Variants in GRK5 observed in about 807,000 individuals in gnomAD.
The protein encoded by GRK5 is g protein-coupled receptor kinase GRK5.
In GRK5, 40 loss-of-function variants were observed where a neutral mutation model predicts 78.4. The observed-to-expected ratio is 0.51, with a 90% CI of 0.40 to 0.66. GRK5 has a LOEUF of 0.66. GRK5 is among the 30% of genes least tolerant of loss of function. GRK5 has a pLI of 0.00. For missense variants in GRK5, 598 were observed against 759.9 expected (o/e 0.79, Z 2.50); for synonymous variants, 289 against 296.8 (o/e 0.97, Z 0.27).
chr10:119,220,824 C>CA (rs546082321), intron 1 of GRK5, among the ~76,000 whole-genome samples: 65,819 of 126,994 alleles, frequency 0.52, 15,835 homozygotes, highest in East Asian at 0.67. Context: ...GACAGAGGCT[C>CA]AAAAAAAAAA....
At chr10:119,294,442 C>T (rs1009375870) in intron 1 of GRK5, among the ~76,000 whole-genome samples, 10 of 152,266 alleles carry the variant, frequency 6.6e-5, no homozygotes, top group African/African-American at 2.4e-4. Flanking sequence ...CCCAGGCAGG[C>T]ACTGTCCTGA....
intron 1 of GRK5, among the ~76,000 whole-genome samples, chr10:119,312,168 G>A (rs368351896): frequency 5.3e-5 from 8 of 152,142 alleles, no homozygotes; most frequent in African/African-American, 1.9e-4. Context: ...CGCCCGCCTC[G>A]GCCTCCCAAA....
chr10:119,284,128 G>A (rs74157646), intron 1 of GRK5, among the ~76,000 whole-genome samples: 3,062 of 152,252 alleles, frequency 0.02, 107 homozygotes, highest in African/African-American at 0.069. Context: ...CCCAGATGGT[G>A]TATGTCAGAG....
rs889118995 is a variant in GRK5 at position 119,378,647 on chromosome 10, G to A, written c.149-2168G>A. Among the ~76,000 whole-genome samples the A allele has an allele frequency of 6.8e-6, 1 of 146,594 alleles. No individual in the cohort carries two copies. Among genetic ancestry groups the A allele is most frequent in the Non-Finnish European group, 1.5e-5 (1 of 66,770 alleles). ...GGCTGCCTTCAGGGCTCCTCTCTCC[G>A]CTCATCTCCGCTTGTGTGCGGGCTG... On this transcript the variant is annotated intron_variant, in intron 2 of 15. Transcript: ENST00000392870. The surrounding 1 kb of genome is among the most constrained non-coding windows in gnomAD (Gnocchi z 4.5).
chr10:119,326,645 T>C (rs1464664180), intron 2 of GRK5, 34 bp downstream of exon 2: 2 of 1,516,088 alleles, frequency 1.3e-6, no homozygotes, highest in Admixed American at 3.4e-5. Flanking sequence ...GTGCGGGGAG[T>C]GAGTAGCAGG....
chr10:119,233,611 G>A (rs1848867632), intron 1 of GRK5, among the ~76,000 whole-genome samples: 1 of 152,164 alleles, frequency 6.6e-6, no homozygotes, highest in Admixed American at 6.5e-5. Flanking sequence ...CTGTTTGGGT[G>A]AACGTGTGAC....
At chr10:119,290,055 A>ATC (rs1849922433) in intron 1 of GRK5, among the ~76,000 whole-genome samples, 1 of 152,120 alleles carries the variant, frequency 6.6e-6, no homozygotes, top group African/African-American at 2.4e-5. Flanking sequence ...CTGGAAGACT[A>ATC]TCTGTTCCCG....
At position 119,448,193 on chromosome 10, in the gene GRK5, C is replaced by G; in HGVS notation, c.1337C>G (p.Pro446Arg). 5.0e-6 allele frequency: 8 copies of G among 1,591,600 alleles called. No individual in the cohort carries two copies. Among genetic ancestry groups the G allele is most frequent in the Non-Finnish European group, 6.8e-6 (8 of 1,170,678 alleles). Reference sequence around the variant, plus strand: ...GGGGCTGCAGAGGTCAAGAGACACCCCTTCTTCAGGAACATGAACTTCAAG... The same window carrying G: ...GGGGCTGCAGAGGTCAAGAGACACCGCTTCTTCAGGAACATGAACTTCAAG... ...EEGAAEVKRH[P>R]FFRNMNFKRL... The change falls in exon 13 of 16, where the codon CCC becomes CGC. Residue 446 changes from proline (P) to arginine (R), a missense_variant. Transcript: ENST00000392870.
chr10:119,353,920 C>A (rs1851221712), intron 2 of GRK5, among the ~76,000 whole-genome samples: 1 of 139,612 alleles, frequency 7.2e-6, no homozygotes. Flanking sequence ...AAGGGCAATC[C>A]ATTTTTTCTT....
At chr10:119,388,018 A>G (rs145079046) in intron 3 of GRK5, among the ~76,000 whole-genome samples, 1 of 151,094 alleles carries the variant, frequency 6.6e-6, no homozygotes, top group African/African-American at 2.4e-5. Flanking sequence ...TGGTATGATT[A>G]TAGCTTACCG....
At chr10:119,305,972 T>C (rs1233352844) in intron 1 of GRK5, among the ~76,000 whole-genome samples, 1 of 152,142 alleles carries the variant, frequency 6.6e-6, no homozygotes, top group African/African-American at 2.4e-5. Flanking sequence ...GTACTTCCGG[T>C]ATCTCTGCTC....
intron 4 of GRK5, among the ~76,000 whole-genome samples, chr10:119,411,842 C>CTTTTTTTTTT (rs10578557): frequency 0.012 from 1,158 of 95,836 alleles, 189 homozygotes; most frequent in South Asian, 0.025. Context: ...AGATCTGCTT[C>CTTTTTTTTTT]TTTTTTTTTT....
chr10:119,355,381 G>A (rs1472587693), intron 2 of GRK5, among the ~76,000 whole-genome samples: 2 of 152,164 alleles, frequency 1.3e-5, no homozygotes, highest in African/African-American at 4.8e-5. Flanking sequence ...TCTCTACGAG[G>A]TGCTTATTTT....
At chr10:119,306,359 A>C (rs1394136399) in intron 1 of GRK5, among the ~76,000 whole-genome samples, 1 of 152,164 alleles carries the variant, frequency 6.6e-6, no homozygotes, top group Non-Finnish European at 1.5e-5. Flanking sequence ...CAGTGCCTGG[A>C]TGAGCAAGCT....
intron 2 of GRK5, among the ~76,000 whole-genome samples, chr10:119,358,160 G>A (rs560391790): frequency 6.6e-6 from 1 of 152,288 alleles, no homozygotes; most frequent in East Asian, 1.9e-4. Context: ...CCTGGAGCAC[G>A]AGTGAGAGTC....
intron 2 of GRK5, among the ~76,000 whole-genome samples, chr10:119,348,505 T>C (rs1851137940): frequency 6.6e-6 from 1 of 152,190 alleles, no homozygotes; most frequent in Non-Finnish European, 1.5e-5. Flanking sequence ...AATGGACATA[T>C]GGGCACCTGC....
chr10:119,328,686 G>A (rs1850719192), intron 2 of GRK5, among the ~76,000 whole-genome samples: 1 of 152,232 alleles, frequency 6.6e-6, no homozygotes, highest in Non-Finnish European at 1.5e-5. Context: ...ACCTTTCTGG[G>A]GTGTTGAGTT....
chr10:119,292,149 T>TTCCTCCTCCTCTTCC (rs1217774401), intron 1 of GRK5, among the ~76,000 whole-genome samples: 5 of 64,068 alleles, frequency 7.8e-5, no homozygotes, highest in Admixed American at 1.7e-4. Context: ...TCTCCTCCTC[T>TTCCTCCTCCTCTTCC]TCCTCCTCCT....
chr10:119,428,999 G>T (rs1322341075), intron 6 of GRK5, among the ~76,000 whole-genome samples: 1 of 152,250 alleles, frequency 6.6e-6, no homozygotes, highest in Non-Finnish European at 1.5e-5. Flanking sequence ...CCTTCATGTG[G>T]TTTCCGGGGG....
Sources: allele counts gnomAD v4.1 joint callset (sites outside exome capture counted in the v4.1 genomes callset), GRCh38; gene constraint gnomAD v4.1.1; non-coding constraint Gnocchi (gnomAD v3.1); transcripts MANE v1.5; gene names NCBI Gene and HGNC (gene_info 2026-07-23, HGNC 2026-07-21).